Variants in PPP1R13B observed in about 807,000 individuals in gnomAD.
PPP1R13B encodes the protein apoptosis-stimulating of p53 protein 1.
PPP1R13B carries 44 observed loss-of-function variants against 119.8 expected under a neutral mutation model. The observed-to-expected ratio is 0.37, with a 90% confidence interval of 0.29 to 0.47. PPP1R13B has a LOEUF of 0.47. PPP1R13B is among the 20% of genes least tolerant of loss of function. The pLI, the probability that PPP1R13B is intolerant of heterozygous loss-of-function variation, is 0.99. For synonymous variants in PPP1R13B, 542 were observed against 561.5 expected (o/e 0.97, Z 0.49); for missense variants, 1,227 against 1,413.5 (o/e 0.87, Z 2.12).
chr14:103,807,464 A>C (rs561410623), intron 1 of PPP1R13B, among the ~76,000 whole-genome samples: 1 of 152,110 alleles, frequency 6.6e-6, no homozygotes, highest in South Asian at 2.1e-4. Flanking sequence ...GGCACGTAAG[A>C]AGCACTCAAT....
chr14:103,841,342 C>T (rs2086903299), intron 1 of PPP1R13B, among the ~76,000 whole-genome samples: 1 of 151,980 alleles, frequency 6.6e-6, no homozygotes, highest in South Asian at 2.1e-4. Flanking sequence ...AATCCCAGCA[C>T]TCTGAGAGGC....
intron 4 of PPP1R13B, 200 bp downstream of exon 4, chr14:103,778,545 C>A: frequency 1.9e-6 from 1 of 534,016 alleles, no homozygotes; most frequent in East Asian, 3.2e-5. Flanking sequence ...CATGTGTGAG[C>A]CACACACCTG....
intron 1 of PPP1R13B, among the ~76,000 whole-genome samples, chr14:103,803,556 T>C (rs1011910928): frequency 6.6e-6 from 1 of 152,028 alleles, no homozygotes; most frequent in Non-Finnish European, 1.5e-5. Flanking sequence ...GGCAGGAGAA[T>C]GCTGTGAACC....
At chr14:103,799,906 C>T (rs1161084793) in intron 1 of PPP1R13B, among the ~76,000 whole-genome samples, 1 of 151,772 alleles carries the variant, frequency 6.6e-6, no homozygotes. Flanking sequence ...CAAAAATTAG[C>T]CAGGCGCGGT....
chr14:103,831,934 AC>A (rs2086672807), intron 1 of PPP1R13B, among the ~76,000 whole-genome samples: 1 of 151,496 alleles, frequency 6.6e-6, no homozygotes, highest in Non-Finnish European at 1.5e-5. Context: ...AGAATCCATC[AC>A]AAAAAAAAAC....
intron 1 of PPP1R13B, among the ~76,000 whole-genome samples, chr14:103,810,505 G>A (rs1474643374): frequency 2.0e-5 from 3 of 152,154 alleles, no homozygotes; most frequent in Non-Finnish European, 4.4e-5. Flanking sequence ...TGGGCGTGGT[G>A]GCTCATGCCT....
At chr14:103,842,670 CTT>C (rs2086937354) in intron 1 of PPP1R13B, among the ~76,000 whole-genome samples, 1 of 151,888 alleles carries the variant, frequency 6.6e-6, no homozygotes, top group African/African-American at 2.4e-5. Context: ...CGTCGATACT[CTT>C]TTGGAAAAGA....
chr14:103,847,533 C>CGCCTCAACCTCA lies in PPP1R13B; in HGVS notation c.-238_-227dup. 1.0e-6 allele frequency: 1 copy of CGCCTCAACCTCA among 985,842 alleles called. No individual in the cohort carries two copies. Among genetic ancestry groups the CGCCTCAACCTCA allele is most frequent in the Non-Finnish European group, 1.2e-6 (1 of 831,026 alleles). The allele number at this position is 985,842 out of a possible 1,614,324, so 61.1% of individuals were successfully genotyped here. On this transcript the variant is annotated 5_prime_UTR_variant, in exon 1 of 17. Transcript: ENST00000202556. ...CCGGGCACCCGGCCGCCGCCGCCGC[C>CGCCTCAACCTCA]GCCTCAACCTCAGCCTCAGCCTCAG...
intron 1 of PPP1R13B, among the ~76,000 whole-genome samples, chr14:103,800,605 A>G (rs914281952): frequency 6.6e-6 from 1 of 151,912 alleles, no homozygotes; most frequent in African/African-American, 2.4e-5. Context: ...CAATGAGCCA[A>G]GATTGCACCA....
At chr14:103,797,089 T>G (rs1473982753) in intron 2 of PPP1R13B, among the ~76,000 whole-genome samples, 1 of 141,634 alleles carries the variant, frequency 7.1e-6, no homozygotes, top group Non-Finnish European at 1.5e-5. Flanking sequence ...CAGAGTGAGA[T>G]ACTGTCTCAA....
At chr14:103,791,722 A>AAAACAAAC (rs1302697434) in intron 2 of PPP1R13B, among the ~76,000 whole-genome samples, 1 of 152,228 alleles carries the variant, frequency 6.6e-6, no homozygotes, top group African/African-American at 2.4e-5. Context: ...ACTCCATCTC[A>AAAACAAAC]AAACAAACAA....
chr14:103,772,098 A>T lies in PPP1R13B; in HGVS notation c.354+6647T>A, dbSNP rs139164189. 1.9e-3 allele frequency among the ~76,000 whole-genome samples: 294 copies of T among 152,350 alleles called. 1 individual carries two copies. Among genetic ancestry groups the T allele is most frequent in the African/African-American group, 6.8e-3 (283 of 41,588 alleles). Reference sequence around the variant, plus strand: ...GAATGAAACCATAACAGTATTCAGTATGTAATCCTTTGGCTGGCTTCTTTC... The same window carrying T: ...GAATGAAACCATAACAGTATTCAGTTTGTAATCCTTTGGCTGGCTTCTTTC... On this transcript the variant is annotated intron_variant, in intron 4 of 16. Coordinates refer to ENST00000202556, the MANE Select transcript of PPP1R13B (RefSeq NM_015316.3).
intron 1 of PPP1R13B, among the ~76,000 whole-genome samples, chr14:103,819,271 GC>G (rs1816978693): frequency 6.6e-6 from 1 of 152,152 alleles, no homozygotes; most frequent in African/African-American, 2.4e-5. Context: ...GGCATATTTT[GC>G]CATAAAGGTT....
At chr14:103,826,757 C>T (rs552842187) in intron 1 of PPP1R13B, among the ~76,000 whole-genome samples, 3 of 151,076 alleles carry the variant, frequency 2.0e-5, no homozygotes, top group Admixed American at 2.0e-4. Flanking sequence ...GCCTGTAATC[C>T]CAGCACTTTG....
intron 1 of PPP1R13B, among the ~76,000 whole-genome samples, chr14:103,805,515 G>C (rs1217894439): frequency 6.6e-6 from 1 of 152,052 alleles, no homozygotes; most frequent in East Asian, 1.9e-4. Context: ...AAGCTGCAGT[G>C]AACTGTGATC....
intron 2 of PPP1R13B, among the ~76,000 whole-genome samples, chr14:103,785,813 C>T (rs1430061165): frequency 1.3e-5 from 2 of 152,184 alleles, no homozygotes; most frequent in Non-Finnish European, 2.9e-5. Flanking sequence ...AGCCACTATG[C>T]TCAGCCTCCC....
At chr14:103,751,962 T>C (rs1342647030) in intron 7 of PPP1R13B, among the ~76,000 whole-genome samples, 1 of 152,198 alleles carries the variant, frequency 6.6e-6, no homozygotes, top group East Asian at 1.9e-4. Flanking sequence ...TGGATTATTA[T>C]CTGCTAATTG....
In PPP1R13B at chr14:103,742,512, C is replaced by G; in HGVS notation, c.1320+142G>C. On this transcript the variant is annotated intron_variant, in intron 10 of 16. Coordinates refer to ENST00000202556, the MANE Select transcript of PPP1R13B (RefSeq NM_015316.3). The surrounding 1 kb of genome is among the most constrained non-coding windows in gnomAD (Gnocchi z 4.9). Reference sequence around the variant, plus strand: ...GCTCAGGCTCTTAGGGCCCAGTAACCCTCTAGGACTTTGGGTGTTGTCTGG... The same window carrying G: ...GCTCAGGCTCTTAGGGCCCAGTAACGCTCTAGGACTTTGGGTGTTGTCTGG... 6.9e-6 allele frequency: 9 copies of G among 1,312,972 alleles called. No individual in the cohort carries two copies. The highest frequency in any genetic ancestry group is 5.8e-5 in the South Asian group (4 of 69,084). The allele number at this position is 1,312,972 out of a possible 1,614,324, so 81.3% of individuals were successfully genotyped here.
chr14:103,742,173 T>C lies in PPP1R13B; in HGVS notation c.1439A>G (p.Glu480Gly). The change falls in exon 11 of 17, where the codon GAA (glutamate) becomes GGA (glycine). Residue 480 changes from glutamate to glycine, a missense_variant. Coordinates refer to ENST00000202556, the MANE Select transcript of PPP1R13B (RefSeq NM_015316.3). This position sits in a 1 kb window ranked among gnomAD's most constrained non-coding sequence, Gnocchi z 4.9. The stretch of plus-strand genomic sequence containing the variant: ...GGGCAAGCTGCCTTCCTTCCTCCTT[T>C]CCAGGGAGCTTGTCGACCCAGGACC... ...PLGPGSTSSL[E>G]RRKEGSLPRP... 6.2e-7 allele frequency: 1 copy of C among 1,608,352 alleles called. No individual in the cohort carries two copies. The highest frequency in any genetic ancestry group is 8.5e-7 in the Non-Finnish European group (1 of 1,179,964).
Sources: gnomAD v4.1 joint callset for allele counts (sites outside exome capture counted in the v4.1 genomes callset) on GRCh38, gnomAD v4.1.1 for gene constraint, Gnocchi (gnomAD v3.1) non-coding constraint, MANE v1.5 for transcripts, NCBI Gene and HGNC (gene_info 2026-07-23, HGNC 2026-07-21) for gene names.